The following PCP4 variants were observed in gnomAD, a reference collection of about 807,000 sequenced individuals.
PCP4 encodes Purkinje cell protein 4, also known as calmodulin regulator protein PCP4.
PCP4 carries 8 observed loss-of-function variants against 10.0 expected under a neutral mutation model. That is an observed-to-expected ratio of 0.80 (90% confidence interval 0.47 to 1.45). The LOEUF (loss-of-function observed/expected upper bound fraction) is 1.45, where lower values mean the gene tolerates loss of function less well. Among genes scored for constraint, PCP4 ranks in the 40% most tolerant of loss-of-function variants. The pLI, the probability that PCP4 is intolerant of heterozygous loss-of-function variation, is 0.00. For missense variants in PCP4, 54 were observed against 74.4 expected, an observed-to-expected ratio of 0.73 and a Z score of 1.01; for synonymous variants, 21 against 23.0, an observed-to-expected ratio of 0.91 and a Z score of 0.24.
intron 2 of PCP4, chr21:39,925,984 A>G: frequency 2.2e-6 from 1 of 455,210 alleles, no homozygotes; most frequent in South Asian, 1.6e-5. Context: ...TTCCAGGGCC[A>G]CAGACCATTT....
At chr21:39,901,230 T>TATA (rs964975320) in intron 2 of PCP4, among the ~76,000 whole-genome samples, 4 of 152,324 alleles carry the variant, frequency 2.6e-5, no homozygotes, top group African/African-American at 9.6e-5. Context: ...TCTTACCTTT[T>TATA]ATAATAATAA....
intron 2 of PCP4, among the ~76,000 whole-genome samples, chr21:39,922,231 A>G (rs2087600053): frequency 6.6e-6 from 1 of 152,158 alleles, no homozygotes; most frequent in African/African-American, 2.4e-5. Flanking sequence ...ATGATTCTCT[A>G]TTTTATATTT....
chr21:39,915,229 C>CAA (rs11304096), intron 2 of PCP4, among the ~76,000 whole-genome samples: 1 of 147,698 alleles, frequency 6.8e-6, no homozygotes, highest in African/African-American at 2.5e-5. Flanking sequence ...AGTATTTCTG[C>CAA]AAAAAAAAAA....
At chr21:39,901,469 A>G (rs1254810260) in intron 2 of PCP4, among the ~76,000 whole-genome samples, 2 of 152,300 alleles carry the variant, frequency 1.3e-5, no homozygotes, top group African/African-American at 4.8e-5. Context: ...GGTCTTTCAA[A>G]CCATGCTGAC....
At chr21:39,916,836 T>G (rs2087570703) in intron 2 of PCP4, among the ~76,000 whole-genome samples, 1 of 152,120 alleles carries the variant, frequency 6.6e-6, no homozygotes, top group Non-Finnish European at 1.5e-5. Context: ...CTCAGCAAAC[T>G]AACACAGGAA....
intron 2 of PCP4, among the ~76,000 whole-genome samples, chr21:39,918,408 C>T (rs1015177362): frequency 6.6e-6 from 1 of 151,968 alleles, no homozygotes; most frequent in South Asian, 2.1e-4. Flanking sequence ...GACCGAGAGG[C>T]GCTCAGAGTA....
chr21:39,891,792 G>C (rs1464987514), intron 1 of PCP4, among the ~76,000 whole-genome samples: 1 of 152,216 alleles, frequency 6.6e-6, no homozygotes, highest in African/African-American at 2.4e-5. Flanking sequence ...AGAGAAGGCA[G>C]CATAGGTCAG....
chr21:39,900,951 A>G (rs1295654217), intron 2 of PCP4, among the ~76,000 whole-genome samples: 1 of 152,224 alleles, frequency 6.6e-6, no homozygotes, highest in Non-Finnish European at 1.5e-5. Flanking sequence ...AAAATAATAA[A>G]CCCACTACAT....
intron 2 of PCP4, among the ~76,000 whole-genome samples, chr21:39,925,619 G>A (rs1042584458): frequency 1.3e-5 from 2 of 152,178 alleles, no homozygotes; most frequent in Admixed American, 6.5e-5. Flanking sequence ...GGGGTGTGGC[G>A]TGCCCCTAGG....
In PCP4 at chr21:39,886,822, G is replaced by C. The variant is rs186293363; in HGVS notation, c.10-11654G>C. 3.5e-3 allele frequency among the ~76,000 whole-genome samples: 527 copies of C among 152,268 alleles called. 3 individuals carry two copies. Among genetic ancestry groups the C allele is most frequent in the African/African-American group, 0.012 (501 of 41,538 alleles). Reference sequence around the variant, plus strand: ...CATGTGGTTGGTTTTATAAAAGAGAGACTATATATATGTCCACCTATAAGA... The same window carrying C: ...CATGTGGTTGGTTTTATAAAAGAGACACTATATATATGTCCACCTATAAGA... On this transcript the variant is annotated intron_variant, in intron 1 of 2. Transcript: ENST00000328619.
chr21:39,920,172 T>C (rs575739260), intron 2 of PCP4, among the ~76,000 whole-genome samples: 6 of 147,504 alleles, frequency 4.1e-5, no homozygotes, highest in Non-Finnish European at 9.0e-5. Context: ...TGATGTGTGA[T>C]GTGTGTGGTG....
chr21:39,906,033 G>C lies in PCP4; in HGVS notation c.61+7506G>C, dbSNP rs1430444700. Among the ~76,000 whole-genome samples, 2 of 152,196 alleles carry C rather than the reference G, an allele frequency of 1.3e-5. No homozygotes were observed. Among genetic ancestry groups the C allele is most frequent in the African/African-American group, 4.8e-5 (2 of 41,462 alleles). On this transcript the variant is annotated intron_variant, in intron 2 of 2. Transcript: ENST00000328619. This position sits in a 1 kb window ranked among gnomAD's most constrained non-coding sequence, Gnocchi z 6.3. Reference sequence around the variant, plus strand: ...CCACTGCACTCCAACCTGGGTGACAGAGCGAGACTCCGTCTCAAAATGCTC... The same window carrying C: ...CCACTGCACTCCAACCTGGGTGACACAGCGAGACTCCGTCTCAAAATGCTC...
intron 1 of PCP4, among the ~76,000 whole-genome samples, chr21:39,870,292 G>A (rs776307290): frequency 3.9e-5 from 6 of 152,224 alleles, no homozygotes; most frequent in Non-Finnish European, 8.8e-5. Context: ...CCAAATTTAG[G>A]GTAATGTGAG....
intron 2 of PCP4, among the ~76,000 whole-genome samples, chr21:39,928,511 C>T (rs959075950): frequency 2.0e-5 from 3 of 152,184 alleles, no homozygotes; most frequent in Admixed American, 6.5e-5. Flanking sequence ...AAAATGGAAG[C>T]CCTGATTGCA....
intron 1 of PCP4, among the ~76,000 whole-genome samples, chr21:39,891,508 G>T (rs2087431141): frequency 6.6e-6 from 1 of 152,264 alleles, no homozygotes; most frequent in Non-Finnish European, 1.5e-5. Flanking sequence ...ACGGGGCTTA[G>T]CGGGTATTCT....
At chr21:39,869,023 G>T (rs1160062345) in intron 1 of PCP4, among the ~76,000 whole-genome samples, 1 of 152,198 alleles carries the variant, frequency 6.6e-6, no homozygotes, top group Non-Finnish European at 1.5e-5. Context: ...AGATATTTCA[G>T]AAGCTTCTGT....
At chr21:39,879,012 T>C (rs1483664437) in intron 1 of PCP4, among the ~76,000 whole-genome samples, 1 of 151,006 alleles carries the variant, frequency 6.6e-6, no homozygotes, top group African/African-American at 2.4e-5. Flanking sequence ...TTTTTGAGAC[T>C]GAATTTTACT....
chr21:39,873,713 T>G (rs933868698), intron 1 of PCP4, among the ~76,000 whole-genome samples: 1 of 152,204 alleles, frequency 6.6e-6, no homozygotes, highest in Non-Finnish European at 1.5e-5. Flanking sequence ...CTTTGGGGTA[T>G]AGATATGGGA....
intron 1 of PCP4, among the ~76,000 whole-genome samples, chr21:39,873,502 G>A (rs1238316409): frequency 1.3e-5 from 2 of 151,970 alleles, no homozygotes; most frequent in African/African-American, 4.8e-5. Context: ...TATGCAAAAA[G>A]GGATGGATTC....
Sources: allele counts gnomAD v4.1 joint callset (sites outside exome capture counted in the v4.1 genomes callset), GRCh38; gene constraint gnomAD v4.1.1; non-coding constraint Gnocchi (gnomAD v3.1); transcripts MANE v1.5; gene names NCBI Gene and HGNC (gene_info 2026-07-23, HGNC 2026-07-21).